Variants in HECW2 observed in about 807,000 individuals in gnomAD.
HECW2 encodes HECT, C2 and WW domain containing E3 ubiquitin protein ligase 2, also known as E3 ubiquitin-protein ligase HECW2.
Under a neutral mutation model 175.2 loss-of-function variants are expected in HECW2, and 61 were observed. The observed-to-expected ratio is 0.35, with a 90% CI of 0.28 to 0.43. The LOEUF (loss-of-function observed/expected upper bound fraction) is 0.43. Among genes scored for constraint, HECW2 ranks in the 20% least tolerant of loss-of-function variants. The pLI, the probability that HECW2 is intolerant of heterozygous loss-of-function variation, is 1.00. For missense variants in HECW2, 1,524 were observed against 2,000.5 expected, an observed-to-expected ratio of 0.76 and a Z score of 4.54; for synonymous variants, 671 against 731.0, an observed-to-expected ratio of 0.92 and a Z score of 1.32.
intron 1 of HECW2, among the ~76,000 whole-genome samples, chr2:196,468,890 C>T (rs1408954574): frequency 6.6e-6 from 1 of 152,164 alleles, no homozygotes; most frequent in African/African-American, 2.4e-5. Context: ...ATTTTTCCTA[C>T]ATTTATCTGC....
chr2:196,315,592 C>A (rs918698179), intron 10 of HECW2, among the ~76,000 whole-genome samples: 1 of 152,156 alleles, frequency 6.6e-6, no homozygotes, highest in Admixed American at 6.5e-5. Context: ...CCATGAGTCA[C>A]TAAGTTGCCT....
intron 1 of HECW2, among the ~76,000 whole-genome samples, chr2:196,520,942 G>A (rs1052856296): frequency 2.0e-5 from 3 of 152,146 alleles, no homozygotes; most frequent in Non-Finnish European, 2.9e-5. Context: ...CAAACAGTAT[G>A]ATTTTAGGAT....
chr2:196,538,517 A>G (rs1689096829), intron 1 of HECW2, among the ~76,000 whole-genome samples: 2 of 152,208 alleles, frequency 1.3e-5, no homozygotes. Flanking sequence ...CCTGTCCCAC[A>G]GTACATTTTT....
At position 196,324,877 on chromosome 2, in the gene HECW2, G is replaced by A. The variant is rs1266872348; in HGVS notation, c.741+103C>T. On this transcript the variant is annotated intron_variant, in intron 6 of 28. Coordinates refer to ENST00000644978, the MANE Select transcript of HECW2 (RefSeq NM_001348768.2). ...GTACCCCTTCCCAGCAGAACCCCTA[G>A]ACACTTCATAAACAACCTGAGGGAT... The A allele has an allele frequency of 3.2e-6, 3 of 943,262 alleles. No homozygotes were observed. The East Asian group carries it at 7.7e-5, about 24-fold the overall frequency. 58.4% of individuals were successfully genotyped at this position (943,262 alleles called of 1,614,324 possible).
Position 196,226,831 on chromosome 2 carries a change from G to T in HECW2, c.3918-961C>A, listed in dbSNP as rs1687869137. 2.6e-5 allele frequency among the ~76,000 whole-genome samples: 4 copies of T among 152,276 alleles called. No individual in the cohort carries two copies. In the South Asian group the frequency reaches 8.3e-4, roughly 32 times the overall value. ...AGAATTGTGCACATGGACATTTGGG[G>T]GAGTTTCCTTCTGGGACATTCTGTT... On this transcript the variant is annotated intron_variant, in intron 22 of 28. Coordinates refer to ENST00000644978, the MANE Select transcript of HECW2 (RefSeq NM_001348768.2).
intron 2 of HECW2, among the ~76,000 whole-genome samples, chr2:196,349,158 C>T (rs919671285): frequency 3.9e-5 from 6 of 152,226 alleles, no homozygotes; most frequent in Admixed American, 2.6e-4. Context: ...AGACACCTGT[C>T]AGCTTCCATG....
intron 2 of HECW2, among the ~76,000 whole-genome samples, chr2:196,407,187 G>A (rs1336841164): frequency 6.6e-6 from 1 of 151,260 alleles, no homozygotes; most frequent in Admixed American, 6.6e-5. Flanking sequence ...TTAGGTTTAT[G>A]TGGCAGATAA....
At chr2:196,292,986 T>C (rs995395321) in intron 13 of HECW2, among the ~76,000 whole-genome samples, 2 of 152,166 alleles carry the variant, frequency 1.3e-5, no homozygotes, top group African/African-American at 4.8e-5. Context: ...TAGTTCTCTT[T>C]TTTTAACTTT....
Position 196,516,691 on chromosome 2 carries a change from T to C in HECW2, c.-36+76817A>G, listed in dbSNP as rs181762631. ...CAAACTGCTAGAAACCAGCCAGTTA[T>C]GCAATCATAGTTTTCCCTAGGGCCA... On this transcript the variant is annotated intron_variant, in intron 1 of 28. Coordinates refer to ENST00000644978, the MANE Select transcript of HECW2 (RefSeq NM_001348768.2). Among the ~76,000 whole-genome samples, 615 of 152,328 alleles carry C rather than the reference T, an allele frequency of 4.0e-3. 3 individuals are homozygous for C. Among genetic ancestry groups the C allele is most frequent in the Non-Finnish European group, 7.1e-3 (482 of 68,024 alleles).
chr2:196,325,240 A>C (rs1692105009), intron 5 of HECW2, 91 bp from the exon 6 acceptor site: 1 of 938,788 alleles, frequency 1.1e-6, no homozygotes, highest in Admixed American at 2.6e-5. Flanking sequence ...CAAGGGACAG[A>C]AGAAGGAAGG....
intron 2 of HECW2, among the ~76,000 whole-genome samples, chr2:196,428,063 CA>C (rs1260851420): frequency 6.6e-6 from 1 of 152,120 alleles, no homozygotes; most frequent in Non-Finnish European, 1.5e-5. Flanking sequence ...CAAACAAAAA[CA>C]AAACTCACAC....
At chr2:196,527,135 G>A (rs186669460) in intron 1 of HECW2, among the ~76,000 whole-genome samples, 132 of 152,296 alleles carry the variant, frequency 8.7e-4, no homozygotes, top group African/African-American at 2.7e-3. Context: ...GCGAGACTCC[G>A]TGAGCCTAGG....
At chr2:196,530,708 A>G (rs1410577831) in intron 1 of HECW2, among the ~76,000 whole-genome samples, 3 of 152,164 alleles carry the variant, frequency 2.0e-5, no homozygotes, top group Non-Finnish European at 4.4e-5. Context: ...AATTTCCCTA[A>G]TCAGTAATTT....
chr2:196,438,024 C>G (rs548452057), intron 1 of HECW2, among the ~76,000 whole-genome samples: 5 of 152,192 alleles, frequency 3.3e-5, no homozygotes, highest in African/African-American at 1.2e-4. Flanking sequence ...TTTGCTTTCA[C>G]GTTTTGTTTT....
At chr2:196,512,416 C>T (rs74825976) in intron 1 of HECW2, among the ~76,000 whole-genome samples, 1,609 of 152,146 alleles carry the variant, frequency 0.011, 14 homozygotes, top group Non-Finnish European at 0.017. Flanking sequence ...TTTTTTGAGA[C>T]ATAGTCTCAC....
rs547503679 is a variant in HECW2 at position 196,322,724 on chromosome 2, T to C, written c.742-104A>G. On this transcript the variant is annotated intron_variant, in intron 6 of 28. Coordinates refer to ENST00000644978, the MANE Select transcript of HECW2 (RefSeq NM_001348768.2). ...TGGTATCTCTTAAATTCTAACAACA[T>C]ACAGAGTTCCACATAGCTAGAAATA... The C allele has an allele frequency of 1.6e-5, 16 of 1,022,522 alleles. No individual in the cohort carries two copies. The African/African-American group carries it at 1.8e-4, about 11-fold the overall frequency. The allele number at this position is 1,022,522 out of a possible 1,614,324, so 63.3% of individuals were successfully genotyped here. A position where few individuals can be genotyped will look rare whatever the true frequency, so the allele number is the denominator to read the frequency against.
chr2:196,441,187 G>C (rs1377608386), intron 1 of HECW2, among the ~76,000 whole-genome samples: 3 of 152,112 alleles, frequency 2.0e-5, no homozygotes, highest in Non-Finnish European at 2.9e-5. Flanking sequence ...GGAGGTGAAT[G>C]TCAATTTACT....
intron 1 of HECW2, among the ~76,000 whole-genome samples, chr2:196,491,992 A>T (rs1015214231): frequency 1.2e-4 from 18 of 152,246 alleles, no homozygotes; most frequent in Admixed American, 7.8e-4. Flanking sequence ...TTTTGTAAAA[A>T]TTTTTTTCAA....
rs548093987 is a variant in HECW2 at position 196,589,064 on chromosome 2, T to C, written c.-36+4444A>G. Among the ~76,000 whole-genome samples, 38 of 152,234 alleles carry C rather than the reference T, an allele frequency of 2.5e-4. 1 individual carries two copies. Among genetic ancestry groups the C allele is most frequent in the Admixed American group, 1.2e-3 (19 of 15,304 alleles). ...AAACACAAAAATTTGCTGATGGTAGTGGTGCGTGCCTGTAATCCCAGCTAC... is the reference window on the plus strand; with the variant it reads ...AAACACAAAAATTTGCTGATGGTAGCGGTGCGTGCCTGTAATCCCAGCTAC... On this transcript the variant is annotated intron_variant, in intron 1 of 28. Transcript: ENST00000644978.
Sources: gnomAD v4.1 joint callset for allele counts (sites outside exome capture counted in the v4.1 genomes callset) on GRCh38, gnomAD v4.1.1 for gene constraint, MANE v1.5 for transcripts, NCBI Gene and HGNC (gene_info 2026-07-23, HGNC 2026-07-21) for gene names.